REV3L: variants seen among roughly 807,000 people sequenced by gnomAD.
The protein encoded by REV3L is DNA polymerase zeta catalytic subunit.
Under a neutral mutation model 299.4 loss-of-function variants are expected in REV3L, and 69 were observed. The observed-to-expected ratio is 0.23, with a 90% CI of 0.19 to 0.28. The LOEUF is 0.28. Ranked by LOEUF, REV3L falls within the 10% of genes least tolerant of loss-of-function variation. The probability of loss-of-function intolerance (pLI) is 1.00; values close to 1 mark genes in which losing one functional copy is unlikely to be tolerated. For synonymous variants in REV3L, 1,238 were observed against 1,271.4 expected (o/e 0.97, Z 0.56); for missense variants, 3,128 against 3,693.8 (o/e 0.85, Z 3.97).
chr6:111,322,729 G>A, intron 25 of REV3L, 51 bp from the exon 26 acceptor site: 1 of 1,299,294 alleles, frequency 7.7e-7, no homozygotes, highest in Non-Finnish European at 1.1e-6. Flanking sequence ...CTCAGTATAA[G>A]TTAACAGACT....
At chr6:111,353,514 G>A (rs1222384686) in intron 18 of REV3L, among the ~76,000 whole-genome samples, 2 of 152,092 alleles carry the variant, frequency 1.3e-5, no homozygotes, top group Non-Finnish European at 2.9e-5. Flanking sequence ...TTAATATCTG[G>A]TGATCTGTTC....
Position 111,416,278 on chromosome 6 carries a change from C to T in REV3L, c.329+5G>A. 6.3e-7 allele frequency: 1 copy of T among 1,585,290 alleles called. No individual in the cohort carries two copies. The highest frequency in any genetic ancestry group is 8.6e-7 in the Non-Finnish European group (1 of 1,159,878). Reference sequence around the variant, plus strand: ...AAATTATAAAATATATTATCATATACTTACATTCCTGATACTAATGACACT... The same window carrying T: ...AAATTATAAAATATATTATCATATATTTACATTCCTGATACTAATGACACT... On this transcript the variant is annotated splice_donor_5th_base_variant and intron_variant, in intron 2 of 31. Transcript: ENST00000368802.
chr6:111,440,848 G>A (rs1788182889), intron 1 of REV3L, among the ~76,000 whole-genome samples: 1 of 152,138 alleles, frequency 6.6e-6, no homozygotes, highest in South Asian at 2.1e-4. Context: ...TCATTTTGAA[G>A]GATAATTTCA....
chr6:111,452,240 C>T (rs1380067964), intron 1 of REV3L, among the ~76,000 whole-genome samples: 1 of 152,038 alleles, frequency 6.6e-6, no homozygotes. Flanking sequence ...GAAACTGGAC[C>T]TCCCATGAGT....
At chr6:111,323,798 T>G (rs1774453818) in intron 25 of REV3L, among the ~76,000 whole-genome samples, 2 of 152,204 alleles carry the variant, frequency 1.3e-5, no homozygotes, top group South Asian at 4.1e-4. Flanking sequence ...ACTGCACATT[T>G]TTTTTTGTTA....
chr6:111,331,632 A>G, intron 24 of REV3L, 44 bp downstream of exon 24: 1 of 1,365,042 alleles, frequency 7.3e-7, no homozygotes, highest in Non-Finnish European at 1.0e-6. Flanking sequence ...GCTCTCCAAA[A>G]GTTAAGCCAT....
chr6:111,373,114 G>A lies in REV3L; in HGVS notation c.5241C>T (p.Ser1747=). 6.2e-7 allele frequency: 1 copy of A among 1,614,118 alleles called. No individual in the cohort carries two copies. The highest frequency in any genetic ancestry group is 8.5e-7 in the Non-Finnish European group (1 of 1,180,000). ...ENRRHNQWKN[S]FHPLTTRSNS... Reference sequence around the variant, plus strand: ...TAGACCGAGTTGTTAGAGGATGAAAGCTATTTTTCCACTGGTTGTGGCGAC... The same window carrying A: ...TAGACCGAGTTGTTAGAGGATGAAAACTATTTTTCCACTGGTTGTGGCGAC... Residue 1747 remains serine, a synonymous_variant, in exon 13 of 32, where the codon AGC becomes AGT. Coordinates refer to ENST00000368802, the MANE Select transcript of REV3L (RefSeq NM_001372078.1).
chr6:111,411,660 TTAA>T lies in REV3L; in HGVS notation c.330-109_330-107del, dbSNP rs1784264783. 6 of 737,180 alleles carry T rather than the reference TTAA, an allele frequency of 8.1e-6. No individual in the cohort carries two copies. In the East Asian group the frequency reaches 1.7e-4, roughly 20 times the overall value. The allele number at this position is 737,180 out of a possible 1,614,324, so 45.7% of individuals were successfully genotyped here. A position where few individuals can be genotyped will look rare whatever the true frequency, so the allele number is the denominator to read the frequency against. ...CAGCTGGCCAAATTCAGTCTTACGT[TTAA>T]TATTATCCACCCCCCAAAAAACAAC... On this transcript the variant is annotated intron_variant, in intron 2 of 31. Coordinates refer to ENST00000368802, the MANE Select transcript of REV3L (RefSeq NM_001372078.1).
Position 111,376,038 on chromosome 6 carries a change from T to C in REV3L, c.2317A>G (p.Lys773Glu). ...TADESGLNKL[K>E]IRYEEFQEHK... The stretch of plus-strand genomic sequence containing the variant: ...TCTTGAAATTCTTCATACCTAATTT[T>C]AAGTTTATTTAGTCCACTTTCATCA... Residue 773 changes from lysine (K) to glutamate (E), a missense_variant, in exon 13 of 32, where the codon AAA (lysine) becomes GAA (glutamate). By Grantham distance (56) the Lys-to-Glu change is moderately conservative (BLOSUM62 1). Transcript: ENST00000368802. 6.2e-7 allele frequency: 1 copy of C among 1,613,976 alleles called. No individual in the cohort carries two copies. The highest frequency in any genetic ancestry group is 1.7e-4 in the Middle Eastern group (1 of 6,060).
At chr6:111,305,970 T>C (rs1772241713) in intron 31 of REV3L, among the ~76,000 whole-genome samples, 1 of 152,194 alleles carries the variant, frequency 6.6e-6, no homozygotes, top group South Asian at 2.1e-4. Context: ...ACTCCAGTGA[T>C]ATATTCCTTC....
chr6:111,451,014 T>A (rs1789472225), intron 1 of REV3L, among the ~76,000 whole-genome samples: 1 of 152,196 alleles, frequency 6.6e-6, no homozygotes, highest in Non-Finnish European at 1.5e-5. Context: ...GGAGACAGAA[T>A]CATAATGAGT....
intron 3 of REV3L, among the ~76,000 whole-genome samples, chr6:111,407,387 A>G (rs1562264270): frequency 6.6e-6 from 1 of 152,226 alleles, no homozygotes; most frequent in Non-Finnish European, 1.5e-5. Flanking sequence ...GCAGAATTCT[A>G]AGAAACAACC....
chr6:111,387,744 T>A lies in REV3L; in HGVS notation c.1096+21A>T, dbSNP rs559334443. ...GATATCTGTTCTAGTAGTTTCTGTA[T>A]ACATGAAAAGAAAATCTTACCTTTG... On this transcript the variant is annotated intron_variant, in intron 9 of 31. Transcript: ENST00000368802. 12 of 1,608,372 alleles carry A rather than the reference T, an allele frequency of 7.5e-6. No homozygotes were observed. The African/African-American group carries it at 1.5e-4, about 20-fold the overall frequency.
intron 18 of REV3L, among the ~76,000 whole-genome samples, chr6:111,355,277 A>G (rs571309971): frequency 6.6e-6 from 1 of 152,260 alleles, no homozygotes; most frequent in Admixed American, 6.5e-5. Flanking sequence ...TGTACTCACT[A>G]TGTGCCAGAC....
At chr6:111,324,610 G>A (rs147999619) in intron 25 of REV3L, among the ~76,000 whole-genome samples, 4 of 152,186 alleles carry the variant, frequency 2.6e-5, no homozygotes, top group South Asian at 2.1e-4. Flanking sequence ...TTACTCTGGC[G>A]CATTTAAGTT....
At chr6:111,377,602 G>T in intron 12 of REV3L, 99 bp downstream of exon 12, 1 of 1,158,906 alleles carries the variant, frequency 8.6e-7, no homozygotes, top group Non-Finnish European at 1.2e-6. Context: ...CTCCCAGAAT[G>T]CTGGGATTAC....
chr6:111,315,100 T>C (rs959289141), intron 27 of REV3L, among the ~76,000 whole-genome samples, 167 bp downstream of exon 27: 2 of 152,152 alleles, frequency 1.3e-5, no homozygotes, highest in Non-Finnish European at 2.9e-5. Flanking sequence ...CCCTCCTGCT[T>C]TGGCCTCCCG....
In REV3L at chr6:111,357,125, T is replaced by C; in HGVS notation, c.7073A>G (p.Asp2358Gly). The C allele has an allele frequency of 6.9e-7, 1 of 1,448,544 alleles. No individual in the cohort carries two copies. The highest frequency in any genetic ancestry group is 9.4e-7 in the Non-Finnish European group (1 of 1,063,056). The allele number at this position is 1,448,544 out of a possible 1,614,324, so 89.7% of individuals were successfully genotyped here. Reference sequence around the variant, plus strand: ...AAGTAATGGAGTCTGATATCTGATATCTAAAAAACAAACAAAATGTCTATT... The same window carrying C: ...AAGTAATGGAGTCTGATATCTGATACCTAAAAAACAAACAAAATGTCTATT... Reference protein sequence around the residue: ...IDKDKTVFSQDIRYQTPLLIR... With the variant: ...IDKDKTVFSQGIRYQTPLLIR... The change falls in exon 18 of 32, where the codon GAT becomes GGT. Residue 2358 changes from aspartate (D) to glycine (G), a missense_variant and splice_region_variant. Around this residue, in one of 9 missense-constraint regions of REV3L, gnomAD observed 82 missense variants for 142.7 expected, o/e 0.57. Transcript: ENST00000368802.
At chr6:111,345,483 G>A (rs1776931038) in intron 20 of REV3L, among the ~76,000 whole-genome samples, 1 of 152,108 alleles carries the variant, frequency 6.6e-6, no homozygotes, top group Non-Finnish European at 1.5e-5. Context: ...TATGTGGGAA[G>A]AAAATAAAGA....
Sources: gnomAD v4.1 joint callset for allele counts (sites outside exome capture counted in the v4.1 genomes callset) on GRCh38, gnomAD v4.1.1 for gene constraint, gnomAD v4.1.1 regional missense constraint, MANE v1.5 for transcripts, NCBI Gene and HGNC (gene_info 2026-07-23, HGNC 2026-07-21) for gene names.